The following GALNT13 variants were observed in gnomAD, a reference collection of about 807,000 sequenced individuals.
GALNT13 encodes the protein polypeptide N-acetylgalactosaminyltransferase 13, also known as UDP-GalNAc:polypeptide N-acetylgalactosaminyltransferase 13.
A neutral mutation model predicts 64.2 loss-of-function variants in GALNT13; 28 were observed. The observed-to-expected ratio is 0.44, with a 90% CI of 0.32 to 0.60. The LOEUF (loss-of-function observed/expected upper bound fraction) is 0.60. Among genes scored for constraint, GALNT13 ranks in the 20% least tolerant of loss-of-function variants. The probability of loss-of-function intolerance (pLI) is 0.05; values close to 1 mark genes in which losing one functional copy is unlikely to be tolerated. For synonymous variants in GALNT13, 214 were observed against 224.6 expected (o/e 0.95, Z 0.42); for missense variants, 577 against 669.8 (o/e 0.86, Z 1.53).
intron 11 of GALNT13, among the ~76,000 whole-genome samples, chr2:154,433,779 T>A (rs1700807842): frequency 6.6e-6 from 1 of 151,158 alleles, no homozygotes; most frequent in African/African-American, 2.4e-5. Flanking sequence ...ATGTACACCA[T>A]GTTTTTCATT....
chr2:153,921,383 G>T (rs1298360277), intron 2 of GALNT13, among the ~76,000 whole-genome samples: 4 of 152,112 alleles, frequency 2.6e-5, no homozygotes, highest in Non-Finnish European at 5.9e-5. Flanking sequence ...ACCAAATACT[G>T]CATTCTCTCA....
intron 4 of GALNT13, among the ~76,000 whole-genome samples, chr2:154,222,288 A>T (rs1483857524): frequency 6.6e-6 from 1 of 152,134 alleles, no homozygotes; most frequent in East Asian, 1.9e-4. Context: ...CACAATTAAT[A>T]ATACAAATTA....
the GALNT13 span, among the ~76,000 whole-genome samples, chr2:153,450,335 C>G: frequency 1.3e-5 from 2 of 151,986 alleles, no homozygotes; most frequent in Admixed American, 6.6e-5. Context: ...TTTTTCCTCC[C>G]CATCTTACTC....
At chr2:153,219,852 G>GA in the GALNT13 span, among the ~76,000 whole-genome samples, 2 of 152,178 alleles carry the variant, frequency 1.3e-5, no homozygotes, top group Non-Finnish European at 2.9e-5. Flanking sequence ...GAATCTGGGA[G>GA]AAAAATGTAG....
chr2:153,720,225 T>C, the GALNT13 span, among the ~76,000 whole-genome samples: 28 of 144,898 alleles, frequency 1.9e-4, 1 homozygote, highest in East Asian at 1.4e-3. Context: ...CGGCAGGGTA[T>C]TCCAACAGAC....
intron 8 of GALNT13, among the ~76,000 whole-genome samples, chr2:154,278,593 T>C (rs2105935213): frequency 6.6e-6 from 1 of 152,204 alleles, no homozygotes; most frequent in South Asian, 2.1e-4. Context: ...GAAGAAAAAG[T>C]GATTGCTAAG....
chr2:154,358,368 G>C (rs963044188), intron 9 of GALNT13, among the ~76,000 whole-genome samples: 1 of 151,912 alleles, frequency 6.6e-6, no homozygotes, highest in African/African-American at 2.4e-5. Flanking sequence ...CTCAGATTTG[G>C]TTACTCATAC....
chr2:153,124,608 C>T, the GALNT13 span, among the ~76,000 whole-genome samples: 62 of 152,248 alleles, frequency 4.1e-4, no homozygotes, highest in African/African-American at 9.9e-4. Context: ...TGGGTTCAAG[C>T]GATTCGCCTG....
the GALNT13 span, among the ~76,000 whole-genome samples, chr2:153,542,829 C>T: frequency 6.6e-6 from 1 of 152,108 alleles, no homozygotes; most frequent in East Asian, 1.9e-4. Flanking sequence ...AGCATGAATT[C>T]GACTTCTACC....
chr2:153,761,784 GATGAC>G, the GALNT13 span: 1 of 153,206 alleles, frequency 6.5e-6, no homozygotes, highest in Non-Finnish European at 1.5e-5. Flanking sequence ...GGTGAGAGGT[GATGAC>G]TATAGTTCAG....
the GALNT13 span, among the ~76,000 whole-genome samples, chr2:153,171,670 C>A: frequency 1.3e-5 from 2 of 152,148 alleles, no homozygotes; most frequent in Non-Finnish European, 2.9e-5. Context: ...TAGAATCTGG[C>A]TGTAACCTGG....
At chr2:154,379,308 T>C (rs1203808513) in intron 9 of GALNT13, among the ~76,000 whole-genome samples, 1 of 152,060 alleles carries the variant, frequency 6.6e-6, no homozygotes, top group Non-Finnish European at 1.5e-5. Flanking sequence ...TCTACTTTTT[T>C]TTAGAGCCTT....
chr2:153,094,726 C>T, the GALNT13 span, among the ~76,000 whole-genome samples: 13 of 152,066 alleles, frequency 8.5e-5, no homozygotes, highest in African/African-American at 3.1e-4. Context: ...CCCTCAGAAA[C>T]AATAACACAC....
intron 3 of GALNT13, among the ~76,000 whole-genome samples, chr2:154,126,243 G>A (rs2105530848): frequency 6.6e-6 from 1 of 151,918 alleles, no homozygotes; most frequent in Middle Eastern, 3.4e-3. Context: ...TGAATTGCAA[G>A]GTAAACTCAA....
At chr2:154,045,823 C>T (rs750898098) in intron 3 of GALNT13, among the ~76,000 whole-genome samples, 2 of 152,206 alleles carry the variant, frequency 1.3e-5, no homozygotes, top group Non-Finnish European at 2.9e-5. Flanking sequence ...CAGAGGAAAT[C>T]CAGATTGTAC....
chr2:153,108,805 G>A, the GALNT13 span, among the ~76,000 whole-genome samples: 2 of 152,136 alleles, frequency 1.3e-5, no homozygotes, highest in African/African-American at 4.8e-5. Flanking sequence ...TAGCCAAGGG[G>A]AGGTCATATA....
At chr2:154,348,932 G>A (rs1007868327) in intron 9 of GALNT13, among the ~76,000 whole-genome samples, 4 of 152,108 alleles carry the variant, frequency 2.6e-5, no homozygotes, top group Non-Finnish European at 5.9e-5. Context: ...AGATAATTCT[G>A]CCTTTCTACA....
At chr2:153,595,311 G>GA in the GALNT13 span, among the ~76,000 whole-genome samples, 1 of 150,240 alleles carries the variant, frequency 6.7e-6, no homozygotes, top group African/African-American at 2.4e-5. Context: ...CAAATAATAG[G>GA]AAAAAAATGA....
the GALNT13 span, among the ~76,000 whole-genome samples, chr2:153,451,095 C>T: frequency 6.6e-6 from 1 of 151,928 alleles, no homozygotes; most frequent in Admixed American, 6.6e-5. Flanking sequence ...TTTCAGCCTC[C>T]ATCAAAAAGT....
Sources: allele counts gnomAD v4.1 joint callset (sites outside exome capture counted in the v4.1 genomes callset), GRCh38; gene constraint gnomAD v4.1.1; transcripts MANE v1.5; gene names NCBI Gene and HGNC (gene_info 2026-07-23, HGNC 2026-07-21).